FSTL4: variants seen among roughly 807,000 people sequenced by gnomAD.
FSTL4 encodes follistatin-related protein 4.
FSTL4 carries 28 observed loss-of-function variants against 78.2 expected under a neutral mutation model. The observed-to-expected ratio is 0.36, with a 90% CI of 0.27 to 0.49. The LOEUF (loss-of-function observed/expected upper bound fraction) is 0.49. Ranked by LOEUF, FSTL4 falls within the 20% of genes least tolerant of loss-of-function variation. The pLI is 0.98. For synonymous variants in FSTL4, 422 were observed against 440.5 expected (o/e 0.96, Z 0.53); for missense variants, 922 against 1,084.9 (o/e 0.85, Z 2.11).
At chr5:133,645,658 T>A in the FSTL4 span, among the ~76,000 whole-genome samples, 1 of 151,802 alleles carries the variant, frequency 6.6e-6, no homozygotes, top group South Asian at 2.1e-4. Context: ...AGAGGAAGAG[T>A]TTGTCCTGAA....
At chr5:133,663,384 A>AT in the FSTL4 span, among the ~76,000 whole-genome samples, 1 of 152,140 alleles carries the variant, frequency 6.6e-6, no homozygotes, top group East Asian at 1.9e-4. Flanking sequence ...TGTTCTTGCA[A>AT]TTTTTTGTGA....
the FSTL4 span, among the ~76,000 whole-genome samples, chr5:133,778,896 G>T: frequency 6.6e-6 from 1 of 152,192 alleles, no homozygotes; most frequent in Non-Finnish European, 1.5e-5. Context: ...CTGGCAGCAG[G>T]AACAAAGGCA....
At chr5:133,666,652 C>A in the FSTL4 span, among the ~76,000 whole-genome samples, 591 of 151,994 alleles carry the variant, frequency 3.9e-3, 3 homozygotes, top group South Asian at 0.018. Flanking sequence ...TGAATGCACA[C>A]AAGAACCTGC....
chr5:133,418,853 A>G (rs548536164), intron 3 of FSTL4, among the ~76,000 whole-genome samples: 61 of 152,262 alleles, frequency 4.0e-4, no homozygotes, highest in African/African-American at 1.4e-3. Flanking sequence ...AAGACAACAA[A>G]CACATCACCC....
the FSTL4 span, among the ~76,000 whole-genome samples, chr5:133,722,955 G>C: frequency 1.3e-5 from 2 of 152,186 alleles, no homozygotes; most frequent in African/African-American, 2.4e-5. Flanking sequence ...TAGGTCAAAG[G>C]CGTTAGTGAT....
chr5:133,265,299 C>T (rs1293176629), intron 6 of FSTL4, among the ~76,000 whole-genome samples: 1 of 152,240 alleles, frequency 6.6e-6, no homozygotes, highest in Non-Finnish European at 1.5e-5. Flanking sequence ...TGTCCTGGGC[C>T]TTCCCCCGTC....
chr5:133,788,711 A>G, the FSTL4 span, among the ~76,000 whole-genome samples: 14 of 152,338 alleles, frequency 9.2e-5, no homozygotes, highest in South Asian at 1.2e-3. Flanking sequence ...AGATGCTTAT[A>G]AACACTTCCA....
chr5:133,221,015 G>T (rs779091106), intron 11 of FSTL4, 149 bp from the exon 12 acceptor site: 2 of 726,818 alleles, frequency 2.8e-6, no homozygotes, highest in Non-Finnish European at 5.0e-6. Flanking sequence ...GGGGTAGAAT[G>T]AGCAGCCAGC....
chr5:133,634,587 A>C, the FSTL4 span, among the ~76,000 whole-genome samples: 15,310 of 152,150 alleles, frequency 0.1, 888 homozygotes, highest in South Asian at 0.18. Flanking sequence ...TTTTAGCTGT[A>C]TTTAACAGGA....
intron 2 of FSTL4, among the ~76,000 whole-genome samples, chr5:133,590,093 C>A (rs1346005079): frequency 2.0e-5 from 3 of 149,040 alleles, no homozygotes; most frequent in African/African-American, 5.0e-5. Context: ...GGAATCTCCT[C>A]TTTATTTATT....
In FSTL4 at chr5:133,350,049, G is replaced by A. The variant is rs375346943; in HGVS notation, c.410-33397C>T. 8.1e-5 allele frequency among the ~76,000 whole-genome samples: 12 copies of A among 147,534 alleles called. No homozygotes were observed. The East Asian group carries it at 1.7e-3, about 20-fold the overall frequency. On this transcript the variant is annotated intron_variant, in intron 4 of 15. Transcript: ENST00000265342. ...TGCGACTGTAAAGGACCCATAGGAT[G>A]GACTTTGTTTGTCATGCTGCCATGC...
chr5:133,728,142 T>C, the FSTL4 span, among the ~76,000 whole-genome samples: 13 of 152,292 alleles, frequency 8.5e-5, no homozygotes, highest in African/African-American at 1.4e-4. Flanking sequence ...ACTCAACAGA[T>C]TTGTACTGTT....
rs775198715 is a variant in FSTL4, at chr5:133,217,205, C to T, written c.1608+24G>A. The T allele has an allele frequency of 1.4e-5, 22 of 1,593,546 alleles. 1 individual carries two copies. In the South Asian group the frequency reaches 2.4e-4, roughly 17 times the overall value. ...GCTGTGCCCCAGAATTTGAAGTTTT[C>T]CTCACTCCATTAAAGAGGTGTACCT... is the stretch of plus-strand genomic sequence containing the variant. On this transcript the variant is annotated intron_variant, in intron 13 of 15. Coordinates refer to ENST00000265342, the MANE Select transcript of FSTL4 (RefSeq NM_015082.2).
the FSTL4 span, among the ~76,000 whole-genome samples, chr5:133,690,524 T>C: frequency 2.0e-5 from 3 of 152,108 alleles, no homozygotes; most frequent in Admixed American, 1.3e-4. Flanking sequence ...TTGATCACAG[T>C]TCTTAGAGAA....
At chr5:133,592,475 G>T (rs1189105354) in intron 2 of FSTL4, among the ~76,000 whole-genome samples, 1 of 152,178 alleles carries the variant, frequency 6.6e-6, no homozygotes, top group Non-Finnish European at 1.5e-5. Context: ...AGATAATTTT[G>T]TTCTAGTCAG....
chr5:133,437,489 T>TG (rs962631264), intron 3 of FSTL4, among the ~76,000 whole-genome samples: 4 of 141,086 alleles, frequency 2.8e-5, no homozygotes, highest in African/African-American at 1.1e-4. Context: ...ATAGGTGTTT[T>TG]TTTTTTTTTT....
intron 6 of FSTL4, among the ~76,000 whole-genome samples, chr5:133,309,820 T>C (rs1206132539): frequency 6.6e-6 from 1 of 152,178 alleles, no homozygotes; most frequent in East Asian, 1.9e-4. Flanking sequence ...CACCCTGCCT[T>C]ATACCCAAGG....
At chr5:133,375,694 A>G (rs1755417937) in intron 4 of FSTL4, among the ~76,000 whole-genome samples, 1 of 152,202 alleles carries the variant, frequency 6.6e-6, no homozygotes, top group Non-Finnish European at 1.5e-5. Context: ...GGTATAGTTG[A>G]TCCATTAGAG....
Position 133,210,282 on chromosome 5 carries a change from G to C in FSTL4, c.1625C>G (p.Pro542Arg), listed in dbSNP as rs1179425642. The C allele has an allele frequency of 1.2e-6, 2 of 1,603,880 alleles. No individual in the cohort carries two copies. Among genetic ancestry groups the C allele is most frequent in the South Asian group, 2.2e-5 (2 of 90,844 alleles). ...GTCATAGGACAGCTTAGCCGGCAGA[G>C]GGTCCACACCTATGGACTTGAAAAA... ...QKVLQSIGVDPLPAKLSYDKS... is the reference protein window; with the variant it reads ...QKVLQSIGVDRLPAKLSYDKS... Residue 542 changes from proline (P) to arginine (R), a missense_variant, in exon 14 of 16, where the codon CCT (proline) becomes CGT (arginine). Transcript: ENST00000265342.
Sources: allele counts gnomAD v4.1 joint callset (sites outside exome capture counted in the v4.1 genomes callset), GRCh38; gene constraint gnomAD v4.1.1; transcripts MANE v1.5; gene names NCBI Gene and HGNC (gene_info 2026-07-23, HGNC 2026-07-21).